The following AGO4 variants were observed in gnomAD, a reference collection of about 807,000 sequenced individuals.
AGO4 encodes the protein protein argonaute-4.
AGO4 carries 33 observed loss-of-function variants against 104.7 expected under a neutral mutation model. The observed-to-expected ratio is 0.32, with a 90% confidence interval of 0.24 to 0.42. AGO4 has a LOEUF of 0.42. Ranked by LOEUF, AGO4 falls within the 10% of genes least tolerant of loss-of-function variation. AGO4 has a pLI of 1.00. For missense variants in AGO4, 711 were observed against 1,083.4 expected (o/e 0.66, Z 4.83); for synonymous variants, 331 against 364.7 (o/e 0.91, Z 1.05).
intron 16 of AGO4, 37 bp from the exon 17 acceptor site, chr1:35,850,817 C>CAA (rs11403763): frequency 0.11 from 91,889 of 869,202 alleles, 66 homozygotes; most frequent in South Asian, 0.12. Context: ...AAAAAACGAA[C>CAA]AAAAAAAAAA....
intron 2 of AGO4, among the ~76,000 whole-genome samples, chr1:35,818,471 A>G (rs1396069412): frequency 1.3e-5 from 2 of 152,056 alleles, no homozygotes; most frequent in African/African-American, 4.8e-5. Context: ...TAAAAATACA[A>G]AAATTAGCTG....
rs935802044 is a variant in AGO4, at chr1:35,808,338, CGCGGCGGCG to C, written c.-62_-54del. On this transcript the variant is annotated 5_prime_UTR_variant, in exon 1 of 18. Transcript: ENST00000373210. The surrounding 1 kb of genome is among the most constrained non-coding windows in gnomAD (Gnocchi z 5.2). Reference sequence around the variant, plus strand: ...CCAATATTCCGGAGATCAAGCGTTACGCGGCGGCGGCGGCGGCGGCGGCGGGGCCCGGAG... The same window carrying C: ...CCAATATTCCGGAGATCAAGCGTTACGCGGCGGCGGCGGCGGGGCCCGGAG... 1.3e-4 allele frequency: 108 copies of C among 860,736 alleles called. No individual in the cohort carries two copies. The highest frequency in any genetic ancestry group is 7.2e-4 in the African/African-American group (39 of 54,040). 53.3% of individuals were successfully genotyped at this position (860,736 alleles called of 1,614,324 possible).
At position 35,856,783 on chromosome 1, in the gene AGO4, T is replaced by TTA. The variant is rs2148696484; in HGVS notation, c.*3178_*3179insTA. ...GGAGGTGGACGGTGCAGTGAGCTATTACTCCAGCCTGGGCAACAAGAGCGA... is the reference window on the plus strand; with the variant it reads ...GGAGGTGGACGGTGCAGTGAGCTATTTAACTCCAGCCTGGGCAACAAGAGCGA... On this transcript the variant is annotated 3_prime_UTR_variant, in exon 18 of 18. Coordinates refer to ENST00000373210, the MANE Select transcript of AGO4 (RefSeq NM_017629.4). The TTA allele has an allele frequency of 7.7e-6, 1 of 130,318 alleles. No homozygotes were observed. The highest frequency in any genetic ancestry group is 1.6e-5 in the Non-Finnish European group (1 of 63,028). The allele number at this position is 130,318 out of a possible 1,614,324, so 8.1% of individuals were successfully genotyped here. A position where few individuals can be genotyped will look rare whatever the true frequency, so the allele number is the denominator to read the frequency against.
rs545565626 is a variant in AGO4, at chr1:35,826,652, G to A, written c.761-96G>A. The A allele has an allele frequency of 1.3e-3, 1,401 of 1,108,626 alleles. 4 individuals carry two copies. The highest frequency in any genetic ancestry group is 1.7e-3 in the Non-Finnish European group (1,258 of 745,744). The allele number at this position is 1,108,626 out of a possible 1,614,324, so 68.7% of individuals were successfully genotyped here. ...CCCATATTCTTGCAATTTTTATCCTGTACAATGTCATGACATTTTGAAGAC... is the reference window on the plus strand; with the variant it reads ...CCCATATTCTTGCAATTTTTATCCTATACAATGTCATGACATTTTGAAGAC... On this transcript the variant is annotated intron_variant, in intron 6 of 17. Transcript: ENST00000373210.
chr1:35,849,794 A>G (rs1032910999), intron 15 of AGO4, among the ~76,000 whole-genome samples: 1 of 152,182 alleles, frequency 6.6e-6, no homozygotes, highest in Non-Finnish European at 1.5e-5. Flanking sequence ...CCAAGTAAGG[A>G]ATAAAACTTT....
chr1:35,815,060 T>C (rs1356585802), intron 1 of AGO4, among the ~76,000 whole-genome samples: 1 of 152,186 alleles, frequency 6.6e-6, no homozygotes, highest in Non-Finnish European at 1.5e-5. Flanking sequence ...GTATTTTTAG[T>C]AGAGACGGGG....
At chr1:35,809,566 T>C (rs1643430587) in intron 1 of AGO4, among the ~76,000 whole-genome samples, 1 of 152,198 alleles carries the variant, frequency 6.6e-6, no homozygotes, top group Non-Finnish European at 1.5e-5. Context: ...TAATCAAATT[T>C]CATATGCCTT....
chr1:35,843,120 A>T (rs1235934296), intron 15 of AGO4, among the ~76,000 whole-genome samples: 2 of 152,068 alleles, frequency 1.3e-5, no homozygotes, highest in African/African-American at 4.8e-5. Context: ...GCTGCAATGC[A>T]ACGGCACAAT....
chr1:35,809,451 G>T (rs1192046460), intron 1 of AGO4, among the ~76,000 whole-genome samples: 2 of 152,176 alleles, frequency 1.3e-5, no homozygotes, highest in African/African-American at 4.8e-5. Context: ...GTTGCCATTT[G>T]AGTTTGGAAA....
At chr1:35,839,656 C>T (rs563015523) in intron 13 of AGO4, among the ~76,000 whole-genome samples, 9 of 152,012 alleles carry the variant, frequency 5.9e-5, no homozygotes, top group Middle Eastern at 3.4e-3. Context: ...TATATATGTC[C>T]GCTGTTATTA....
chr1:35,820,179 C>A (rs1470742316), intron 2 of AGO4, among the ~76,000 whole-genome samples: 2 of 151,984 alleles, frequency 1.3e-5, no homozygotes, highest in African/African-American at 4.8e-5. Context: ...ATATGGAGCC[C>A]ACTGGAGGAC....
In AGO4 at chr1:35,814,745, A is replaced by G. The variant is rs187200093; in HGVS notation, c.20-2137A>G. Reference sequence around the variant, plus strand: ...CCTAATTCTGAAGGATAAGTAGAATATAGTGGGAAAATGAATAATTAATAT... The same window carrying G: ...CCTAATTCTGAAGGATAAGTAGAATGTAGTGGGAAAATGAATAATTAATAT... On this transcript the variant is annotated intron_variant, in intron 1 of 17. Coordinates refer to ENST00000373210, the MANE Select transcript of AGO4 (RefSeq NM_017629.4). Among the ~76,000 whole-genome samples the G allele has an allele frequency of 1.5e-3, 222 of 152,310 alleles. 1 individual carries two copies. Among genetic ancestry groups the G allele is most frequent in the African/African-American group, 5.2e-3 (215 of 41,566 alleles).
At chr1:35,842,895 C>T in intron 15 of AGO4, among the ~76,000 whole-genome samples, 1 of 152,112 alleles carries the variant, frequency 6.6e-6, no homozygotes, top group East Asian at 1.9e-4. Context: ...GATAATCTTG[C>T]TTCTTTGATA....
chr1:35,854,006 T>A lies in AGO4; in HGVS notation c.*401T>A, dbSNP rs1644766039. On this transcript the variant is annotated 3_prime_UTR_variant, in exon 18 of 18. Transcript: ENST00000373210. ...GTAGTCATTGAGTGGGGTATATGCATAAGTGGGAGAGAAAAACCAAACAAT... is the reference window on the plus strand; with the variant it reads ...GTAGTCATTGAGTGGGGTATATGCAAAAGTGGGAGAGAAAAACCAAACAAT... 6.5e-6 allele frequency: 1 copy of A among 154,308 alleles called. No individual in the cohort carries two copies. Among genetic ancestry groups the A allele is most frequent in the South Asian group, 2.0e-4 (1 of 4,926 alleles). 9.6% of individuals were successfully genotyped at this position (154,308 alleles called of 1,614,324 possible).
At chr1:35,848,942 A>G (rs1167724566) in intron 15 of AGO4, among the ~76,000 whole-genome samples, 1 of 152,140 alleles carries the variant, frequency 6.6e-6, no homozygotes, top group Non-Finnish European at 1.5e-5. Context: ...ATTTTTCTAT[A>G]CTCATAGAGT....
chr1:35,815,794 G>A (rs1250328054), intron 1 of AGO4, among the ~76,000 whole-genome samples: 1 of 152,134 alleles, frequency 6.6e-6, no homozygotes, highest in South Asian at 2.1e-4. Context: ...GATGCCAGCA[G>A]CACTTCTCAG....
Position 35,855,412 on chromosome 1 carries a change from A to C in AGO4, c.*1807A>C, listed in dbSNP as rs1199164719. On this transcript the variant is annotated 3_prime_UTR_variant, in exon 18 of 18. Transcript: ENST00000373210. ...AGCACTGTTTTTCTTCAGTCGTTTAAATAAACTTGTAAATACATTGAAGTT... is the reference window on the plus strand; with the variant it reads ...AGCACTGTTTTTCTTCAGTCGTTTACATAAACTTGTAAATACATTGAAGTT... 6.6e-6 allele frequency: 1 copy of C among 152,640 alleles called. No individual in the cohort carries two copies. The highest frequency in any genetic ancestry group is 1.5e-5 in the Non-Finnish European group (1 of 68,044). 9.5% of individuals were successfully genotyped at this position (152,640 alleles called of 1,614,324 possible).
chr1:35,838,270 G>A (rs1644361955), intron 13 of AGO4, among the ~76,000 whole-genome samples: 1 of 152,072 alleles, frequency 6.6e-6, no homozygotes, highest in Non-Finnish European at 1.5e-5. Flanking sequence ...CCAGGCTGGT[G>A]GTCTTGAGCT....
At chr1:35,821,074 C>A (rs534458460) in intron 2 of AGO4, among the ~76,000 whole-genome samples, 1 of 152,106 alleles carries the variant, frequency 6.6e-6, no homozygotes, top group South Asian at 2.1e-4. Context: ...TTTTTCTTTT[C>A]TTTAATATGA....
Sources: allele counts gnomAD v4.1 joint callset (sites outside exome capture counted in the v4.1 genomes callset), GRCh38; gene constraint gnomAD v4.1.1; non-coding constraint Gnocchi (gnomAD v3.1); transcripts MANE v1.5; gene names NCBI Gene and HGNC (gene_info 2026-07-23, HGNC 2026-07-21).